Variants in DLGAP2 observed in about 807,000 individuals in gnomAD.
The protein encoded by DLGAP2 is disks large-associated protein 2.
DLGAP2 carries 26 observed loss-of-function variants against 100.3 expected under a neutral mutation model. The observed-to-expected ratio is 0.26, with a 90% CI of 0.19 to 0.36. DLGAP2 has a LOEUF of 0.36. DLGAP2 is among the 10% of genes least tolerant of loss of function. The pLI, the probability that DLGAP2 is intolerant of heterozygous loss-of-function variation, is 1.00. For synonymous variants in DLGAP2, 886 were observed against 630.1 expected, an observed-to-expected ratio of 1.41 and a Z score of -6.08; for missense variants, 1,858 against 1,453.2, an observed-to-expected ratio of 1.28 and a Z score of -4.53.
intron 6 of DLGAP2, among the ~76,000 whole-genome samples, chr8:1,602,804 C>G (rs903581908): frequency 6.6e-6 from 1 of 152,264 alleles, no homozygotes; most frequent in East Asian, 1.9e-4. Context: ...GCAGTGACAG[C>G]TCTCATGCTT....
intron 3 of DLGAP2, among the ~76,000 whole-genome samples, chr8:1,481,552 C>T (rs1047681344): frequency 1.6e-5 from 2 of 122,404 alleles, no homozygotes; most frequent in Non-Finnish European, 3.2e-5. Context: ...GATCTTGGAT[C>T]ACTGCAACCT....
chr8:1,008,188 C>G (rs996806151), intron 2 of DLGAP2, among the ~76,000 whole-genome samples: 1 of 152,182 alleles, frequency 6.6e-6, no homozygotes, highest in Admixed American at 6.5e-5. Flanking sequence ...CATTCAAGGT[C>G]AAGATCTTGA....
chr8:1,338,328 G>A (rs535500608), intron 3 of DLGAP2, among the ~76,000 whole-genome samples: 2 of 152,334 alleles, frequency 1.3e-5, no homozygotes, highest in African/African-American at 2.4e-5. Flanking sequence ...CAGGCCACAC[G>A]TATGATGGAG....
At chr8:1,671,714 G>C (rs900633919) in intron 10 of DLGAP2, among the ~76,000 whole-genome samples, 1 of 152,244 alleles carries the variant, frequency 6.6e-6, no homozygotes, top group African/African-American at 2.4e-5. Context: ...TCCCTGCCCA[G>C]CTTAGAGCAG....
At chr8:1,554,976 G>C (rs1801909717) in intron 5 of DLGAP2, among the ~76,000 whole-genome samples, 1 of 152,198 alleles carries the variant, frequency 6.6e-6, no homozygotes, top group Non-Finnish European at 1.5e-5. Context: ...CGATACCAGT[G>C]CTCAGCAGAA....
Position 1,633,024 on chromosome 8 carries a change from C to A in DLGAP2, c.1788C>A (p.Thr596=). 1 of 1,613,924 alleles carries A rather than the reference C, an allele frequency of 6.2e-7. No homozygotes were observed. Among genetic ancestry groups the A allele is most frequent in the Non-Finnish European group, 8.5e-7 (1 of 1,179,878 alleles). The change falls in exon 8 of 15, where the codon ACC becomes ACA. Residue 596 remains threonine, a synonymous_variant. Coordinates refer to ENST00000637795, the MANE Select transcript of DLGAP2 (RefSeq NM_001346810.2). ...CIPMMTPSDI[T]STIRSTAAVS... ...CCATGATGACACCCTCTGACATCACCTCCACCATCAGGTCAACAGCAGGTA... is the reference window on the plus strand; with the variant it reads ...CCATGATGACACCCTCTGACATCACATCCACCATCAGGTCAACAGCAGGTA...
intron 3 of DLGAP2, among the ~76,000 whole-genome samples, chr8:1,342,343 G>C (rs535500511): frequency 6.6e-6 from 1 of 152,222 alleles, no homozygotes; most frequent in Admixed American, 6.5e-5. Context: ...GCATTGCTGG[G>C]TCCCACAGAT....
chr8:1,364,315 G>A (rs370383260), intron 3 of DLGAP2, among the ~76,000 whole-genome samples: 1 of 152,178 alleles, frequency 6.6e-6, no homozygotes, highest in Admixed American at 6.5e-5. Context: ...CAGAGCTGGG[G>A]TGAGAGAACC....
At chr8:744,970 G>A (rs1001203366) in intron 1 of DLGAP2, among the ~76,000 whole-genome samples, 6 of 152,126 alleles carry the variant, frequency 3.9e-5, no homozygotes, top group Non-Finnish European at 5.9e-5. Flanking sequence ...CAGAGATGGC[G>A]GGAAGGGGTA....
chr8:1,410,382 A>T (rs545490555), intron 3 of DLGAP2, among the ~76,000 whole-genome samples: 1 of 152,164 alleles, frequency 6.6e-6, no homozygotes, highest in Non-Finnish European at 1.5e-5. Context: ...AGCAGACGCC[A>T]GTCTGACCCC....
chr8:1,171,948 CT>C (rs1443808445), intron 2 of DLGAP2, among the ~76,000 whole-genome samples: 41 of 152,118 alleles, frequency 2.7e-4, no homozygotes, highest in African/African-American at 9.6e-4. Flanking sequence ...GTTTATTTTG[CT>C]CGTTAGTTGA....
At chr8:1,490,892 G>A (rs1366486372) in intron 3 of DLGAP2, among the ~76,000 whole-genome samples, 3 of 150,986 alleles carry the variant, frequency 2.0e-5, no homozygotes, top group African/African-American at 2.4e-5. Flanking sequence ...GGGGACGGGG[G>A]AGGGATAGCA....
At chr8:1,274,917 T>G (rs1799652880) in intron 3 of DLGAP2, among the ~76,000 whole-genome samples, 1 of 152,178 alleles carries the variant, frequency 6.6e-6, no homozygotes, top group Non-Finnish European at 1.5e-5. Context: ...AGACCTCTCC[T>G]AATCCAGTGC....
At chr8:1,103,719 C>T (rs1332897612) in intron 2 of DLGAP2, among the ~76,000 whole-genome samples, 21 of 70,384 alleles carry the variant, frequency 3.0e-4, no homozygotes, top group Admixed American at 5.9e-4. Flanking sequence ...CCTTGGTTGA[C>T]GGTGATGACT....
At position 1,669,781 on chromosome 8, in the gene DLGAP2, A is replaced by C. The variant is rs1181172526; in HGVS notation, c.2199A>C (p.Ser733=). Residue 733 remains serine, a synonymous_variant, in exon 10 of 15, where the codon TCA becomes TCC. Transcript: ENST00000637795. ...CAGAGCATCAGCCATACCCAAGGTC[A>C]GATGTAAGTACCGAAATGTGCTCCA... is the stretch of plus-strand genomic sequence containing the variant. ...EFPEHQPYPR[S]DVETATDSDT... is the part of the protein sequence containing the mutation. 9 of 780,780 alleles carry C rather than the reference A, an allele frequency of 1.2e-5. No homozygotes were observed. The highest frequency in any genetic ancestry group is 3.4e-5 in the African/African-American group (2 of 59,160). The allele number at this position is 780,780 out of a possible 1,614,324, so 48.4% of individuals were successfully genotyped here. A position where few individuals can be genotyped will look rare whatever the true frequency, so the allele number is the denominator to read the frequency against.
chr8:1,162,375 A>G (rs1416837163), intron 2 of DLGAP2, among the ~76,000 whole-genome samples: 1 of 152,192 alleles, frequency 6.6e-6, no homozygotes, highest in Non-Finnish European at 1.5e-5. Context: ...GGTGGTGGAG[A>G]CGTCTTAGGT....
chr8:1,407,517 G>C (rs113637360), intron 3 of DLGAP2, among the ~76,000 whole-genome samples: 550 of 48,526 alleles, frequency 0.011, 1 homozygote, highest in African/African-American at 0.027. Context: ...CCTCCTCATC[G>C]TCCAGAGTCG....
intron 8 of DLGAP2, among the ~76,000 whole-genome samples, chr8:1,636,443 TAGA>T (rs1554513335): frequency 6.6e-6 from 1 of 152,190 alleles, no homozygotes; most frequent in Non-Finnish European, 1.5e-5. Context: ...CTTGCCAACA[TAGA>T]GGAGAAAAAT....
chr8:1,057,120 T>G (rs775613318), intron 2 of DLGAP2, among the ~76,000 whole-genome samples: 42 of 152,228 alleles, frequency 2.8e-4, no homozygotes, highest in Non-Finnish European at 4.4e-4. Context: ...ACTGCAGAGT[T>G]TTACCTTTGA....
Sources: allele counts gnomAD v4.1 joint callset (sites outside exome capture counted in the v4.1 genomes callset), GRCh38; gene constraint gnomAD v4.1.1; transcripts MANE v1.5; gene names NCBI Gene and HGNC (gene_info 2026-07-23, HGNC 2026-07-21).